ELOVL6: variants seen among roughly 807,000 people sequenced by gnomAD.
ELOVL6 encodes very long chain fatty acid elongase 6.
In ELOVL6, 8 loss-of-function variants were observed where a neutral mutation model predicts 31.7. The observed-to-expected ratio is 0.25, with a 90% CI of 0.15 to 0.45. ELOVL6 has a LOEUF of 0.45. Ranked by LOEUF, ELOVL6 falls within the 20% of genes least tolerant of loss-of-function variation. The probability of loss-of-function intolerance (pLI) is 1.00; values close to 1 mark genes in which losing one functional copy is unlikely to be tolerated. For synonymous variants in ELOVL6, 101 were observed against 117.7 expected (o/e 0.86, Z 0.92); for missense variants, 126 against 326.4 (o/e 0.39, Z 4.73).
intron 2 of ELOVL6, among the ~76,000 whole-genome samples, chr4:110,084,317 T>TAAC: frequency 1.5e-5 from 1 of 66,720 alleles, no homozygotes; most frequent in African/African-American, 4.9e-5. Context: ...ATATAACATA[T>TAAC]ATAAATTTGA....
chr4:110,149,728 C>T (rs1758229599), intron 1 of ELOVL6, among the ~76,000 whole-genome samples: 1 of 152,112 alleles, frequency 6.6e-6, no homozygotes, highest in Non-Finnish European at 1.5e-5. Flanking sequence ...ATTCATGTGA[C>T]AAAACTGCAC....
chr4:110,192,298 T>C (rs996559713), intron 1 of ELOVL6, among the ~76,000 whole-genome samples: 3 of 152,152 alleles, frequency 2.0e-5, no homozygotes, highest in Admixed American at 6.6e-5. Flanking sequence ...CTTTGAAGTT[T>C]CCAGCCATTT....
At chr4:110,097,025 T>C (rs1409186661) in intron 2 of ELOVL6, among the ~76,000 whole-genome samples, 5 of 152,036 alleles carry the variant, frequency 3.3e-5, no homozygotes, top group Non-Finnish European at 7.4e-5. Context: ...ATGCTTAACA[T>C]GGCTGGGCGC....
At chr4:110,170,394 T>A (rs1403316701) in intron 1 of ELOVL6, among the ~76,000 whole-genome samples, 1 of 152,234 alleles carries the variant, frequency 6.6e-6, no homozygotes, top group Non-Finnish European at 1.5e-5. Context: ...TTATTTAGCA[T>A]ACTCGCTAAA....
chr4:110,121,785 C>G (rs72900512), intron 1 of ELOVL6, among the ~76,000 whole-genome samples: 5,846 of 152,302 alleles, frequency 0.038, 374 homozygotes, highest in African/African-American at 0.13. Context: ...ATCACTTACA[C>G]TTGCAATTCA....
chr4:110,143,308 TA>T (rs996014056), intron 1 of ELOVL6, among the ~76,000 whole-genome samples: 38 of 151,896 alleles, frequency 2.5e-4, no homozygotes, highest in East Asian at 7.7e-4. Flanking sequence ...TTTTTAACGG[TA>T]AAAAAAATCG....
intron 1 of ELOVL6, among the ~76,000 whole-genome samples, chr4:110,112,733 G>T (rs1198924201): frequency 2.6e-5 from 4 of 151,930 alleles, no homozygotes; most frequent in Non-Finnish European, 5.9e-5. Context: ...ACTTAGCTGG[G>T]TGTGGTGGTA....
At chr4:110,183,622 T>A (rs1455126104) in intron 1 of ELOVL6, among the ~76,000 whole-genome samples, 1 of 151,642 alleles carries the variant, frequency 6.6e-6, no homozygotes, top group African/African-American at 2.4e-5. Context: ...ATTTTTTTTT[T>A]ACCTCTTTAG....
chr4:110,076,772 C>T (rs533289243), intron 2 of ELOVL6, among the ~76,000 whole-genome samples: 13 of 152,216 alleles, frequency 8.5e-5, no homozygotes, highest in African/African-American at 1.9e-4. Flanking sequence ...GAGTGTGAGC[C>T]GAAGCAGGGC....
At chr4:110,090,659 C>T (rs1475778181) in intron 2 of ELOVL6, among the ~76,000 whole-genome samples, 1 of 136,794 alleles carries the variant, frequency 7.3e-6, no homozygotes, top group East Asian at 2.2e-4. Flanking sequence ...GGCTGGAGTG[C>T]AGTGGCATGA....
intron 1 of ELOVL6, among the ~76,000 whole-genome samples, chr4:110,158,635 G>GTATATATATATATATATATATA (rs780807092): frequency 2.3e-4 from 19 of 81,560 alleles, no homozygotes; most frequent in South Asian, 4.1e-4. Context: ...ATATACACGT[G>GTATATATATATATATATATATA]TATATATATA....
chr4:110,080,687 A>G (rs1384343125), intron 2 of ELOVL6, among the ~76,000 whole-genome samples: 1 of 152,214 alleles, frequency 6.6e-6, no homozygotes, highest in African/African-American at 2.4e-5. Flanking sequence ...GGCACAAGAC[A>G]GGGATGCCCT....
At chr4:110,069,481 C>G (rs1755406181) in intron 2 of ELOVL6, among the ~76,000 whole-genome samples, 1 of 152,140 alleles carries the variant, frequency 6.6e-6, no homozygotes, top group African/African-American at 2.4e-5. Context: ...GTACTTGACT[C>G]TGTGCGAGCA....
At chr4:110,113,811 T>C (rs1757104940) in intron 1 of ELOVL6, among the ~76,000 whole-genome samples, 1 of 152,218 alleles carries the variant, frequency 6.6e-6, no homozygotes, top group Admixed American at 6.5e-5. Flanking sequence ...AGAGGCAGCA[T>C]GTAGAAATAG....
chr4:110,139,992 C>G (rs773379269), intron 1 of ELOVL6, among the ~76,000 whole-genome samples: 2 of 152,196 alleles, frequency 1.3e-5, no homozygotes, highest in African/African-American at 2.4e-5. Context: ...TTGGTATTCC[C>G]TACTGATCCT....
intron 2 of ELOVL6, among the ~76,000 whole-genome samples, chr4:110,085,924 G>A (rs1230932132): frequency 6.6e-6 from 1 of 152,036 alleles, no homozygotes; most frequent in East Asian, 1.9e-4. Context: ...GCCATGTTGC[G>A]ATCCACCCAC....
chr4:110,084,337 C>CATATG (rs1756105821), intron 2 of ELOVL6, among the ~76,000 whole-genome samples: 3 of 64,950 alleles, frequency 4.6e-5, no homozygotes, highest in East Asian at 7.5e-4. Context: ...ATATATATCA[C>CATATG]ATATATGATA....
chr4:110,065,882 T>C (rs557605607), intron 2 of ELOVL6, among the ~76,000 whole-genome samples: 1 of 152,316 alleles, frequency 6.6e-6, no homozygotes, highest in South Asian at 2.1e-4. Context: ...AAAAAAATTT[T>C]TACATTGTTC....
intron 1 of ELOVL6, among the ~76,000 whole-genome samples, chr4:110,119,254 A>G (rs1757273714): frequency 6.6e-6 from 1 of 152,038 alleles, no homozygotes; most frequent in Non-Finnish European, 1.5e-5. Context: ...CTGAGATTGC[A>G]CCAATGCACT....
Sources: gnomAD v4.1 joint callset for allele counts (sites outside exome capture counted in the v4.1 genomes callset) on GRCh38, gnomAD v4.1.1 for gene constraint, MANE v1.5 for transcripts, NCBI Gene and HGNC (gene_info 2026-07-23, HGNC 2026-07-21) for gene names.